ANTXR1: variants seen among roughly 807,000 people sequenced by gnomAD.
ANTXR1 encodes anthrax toxin receptor 1.
A neutral mutation model predicts 78.1 loss-of-function variants in ANTXR1; 19 were observed. The observed-to-expected ratio is 0.24, with a 90% CI of 0.17 to 0.36. The LOEUF (loss-of-function observed/expected upper bound fraction) is 0.36, where lower values mean the gene tolerates loss of function less well. ANTXR1 is among the 10% of genes least tolerant of loss of function. The pLI, the probability that ANTXR1 is intolerant of heterozygous loss-of-function variation, is 1.00. For missense variants in ANTXR1, 518 were observed against 718.6 expected (o/e 0.72, Z 3.19); for synonymous variants, 273 against 260.5 (o/e 1.05, Z -0.46).
chr2:69,170,405 G>A, intron 14 of ANTXR1, 116 bp downstream of exon 14: 1 of 1,216,408 alleles, frequency 8.2e-7, no homozygotes, highest in Non-Finnish European at 1.2e-6. Context: ...CAAGCTCAAA[G>A]GATTTAATGT....
intron 17 of ANTXR1, among the ~76,000 whole-genome samples, chr2:69,211,709 T>C (rs1675048610): frequency 1.3e-5 from 2 of 152,384 alleles, no homozygotes; most frequent in African/African-American, 2.4e-5. Flanking sequence ...TCTGTTTTCA[T>C]AGAGCATCAC....
At chr2:69,128,227 G>GGA (rs1553367503) in intron 12 of ANTXR1, among the ~76,000 whole-genome samples, 11,907 of 139,154 alleles carry the variant, frequency 0.086, 455 homozygotes, top group Middle Eastern at 0.099. Flanking sequence ...TCCATCTCTG[G>GGA]AAAAAAAAAA....
intron 17 of ANTXR1, among the ~76,000 whole-genome samples, chr2:69,218,661 G>T (rs1675239127): frequency 6.6e-6 from 1 of 152,166 alleles, no homozygotes; most frequent in African/African-American, 2.4e-5. Flanking sequence ...TCTAGGAGGG[G>T]TAGTACTTCC....
intron 17 of ANTXR1, among the ~76,000 whole-genome samples, chr2:69,221,069 A>G (rs1315550043): frequency 6.6e-6 from 1 of 152,238 alleles, no homozygotes; most frequent in Non-Finnish European, 1.5e-5. Context: ...AAGTGGAAAC[A>G]TATGGGAAGG....
At chr2:69,030,318 A>AG (rs1447644640) in intron 1 of ANTXR1, among the ~76,000 whole-genome samples, 4 of 152,244 alleles carry the variant, frequency 2.6e-5, no homozygotes, top group Non-Finnish European at 5.9e-5. Flanking sequence ...GCATACAGAC[A>AG]GCAGGAAAAA....
intron 16 of ANTXR1, among the ~76,000 whole-genome samples, chr2:69,188,586 T>C (rs1674478775): frequency 6.6e-6 from 1 of 152,246 alleles, no homozygotes; most frequent in Non-Finnish European, 1.5e-5. Context: ...ATAGTCAAAA[T>C]TTGTCAACTT....
chr2:69,215,259 A>G (rs1386682320), intron 17 of ANTXR1, among the ~76,000 whole-genome samples: 1 of 152,226 alleles, frequency 6.6e-6, no homozygotes, highest in East Asian at 1.9e-4. Context: ...GGGTCTCTGG[A>G]GACTCACAGC....
chr2:69,034,118 G>C (rs113599325), intron 1 of ANTXR1, among the ~76,000 whole-genome samples: 2,139 of 152,340 alleles, frequency 0.014, 53 homozygotes, highest in African/African-American at 0.049. Context: ...CACACAGTGA[G>C]TGCAATGTCA....
chr2:69,240,119 C>A (rs2104531036), intron 17 of ANTXR1, among the ~76,000 whole-genome samples: 1 of 152,296 alleles, frequency 6.6e-6, no homozygotes, highest in Non-Finnish European at 1.5e-5. Flanking sequence ...GTTCCTGGAT[C>A]CTTGACCTTT....
chr2:69,090,731 G>T, intron 8 of ANTXR1, 128 bp from the exon 9 acceptor site: 1 of 824,020 alleles, frequency 1.2e-6, no homozygotes, highest in Admixed American at 1.9e-5. Context: ...TAGACTCCTC[G>T]CACCCCCACC....
intron 17 of ANTXR1, among the ~76,000 whole-genome samples, chr2:69,194,668 T>A (rs1465952483): frequency 5.3e-5 from 8 of 151,610 alleles, no homozygotes; most frequent in African/African-American, 1.9e-4. Context: ...GCCTGGCCAA[T>A]ATGGTTAAAC....
intron 17 of ANTXR1, among the ~76,000 whole-genome samples, chr2:69,222,282 T>C (rs1367989114): frequency 6.6e-6 from 1 of 152,192 alleles, no homozygotes; most frequent in Non-Finnish European, 1.5e-5. Context: ...CTTCACCCAG[T>C]GACAGTGTGA....
intron 17 of ANTXR1, among the ~76,000 whole-genome samples, chr2:69,196,883 C>T (rs1018521895): frequency 6.6e-6 from 1 of 152,220 alleles, no homozygotes; most frequent in African/African-American, 2.4e-5. Flanking sequence ...AGCTACTCCA[C>T]CCCAGCCCTC....
intron 3 of ANTXR1, among the ~76,000 whole-genome samples, chr2:69,054,281 C>G (rs767663539): frequency 6.6e-6 from 1 of 152,090 alleles, no homozygotes; most frequent in Admixed American, 6.6e-5. Flanking sequence ...TTCTTAATTA[C>G]TATACTGTAG....
At chr2:69,084,848 CTT>C (rs10708894) in intron 8 of ANTXR1, among the ~76,000 whole-genome samples, 315 of 94,008 alleles carry the variant, frequency 3.4e-3, no homozygotes, top group African/African-American at 7.2e-3. Flanking sequence ...GAAAAGGCAA[CTT>C]TTTTTTTTTT....
At chr2:69,019,465 G>GAT (rs757186066) in intron 1 of ANTXR1, among the ~76,000 whole-genome samples, 4 of 151,808 alleles carry the variant, frequency 2.6e-5, no homozygotes, top group Non-Finnish European at 5.9e-5. Flanking sequence ...GGGTTTTCTG[G>GAT]ATATATAATT....
rs1673195558 is a variant in ANTXR1 at position 69,145,427 on chromosome 2, G to A, written c.952-6742G>A. ...GACAGCACACTCCTGAAAACGGGGA[G>A]AGAGGAGCCAAACATGCTCGGTTTA... is the stretch of plus-strand genomic sequence containing the variant. On this transcript the variant is annotated intron_variant, in intron 12 of 17. Coordinates refer to ENST00000303714, the MANE Select transcript of ANTXR1 (RefSeq NM_032208.3). The A allele has an allele frequency of 3.2e-6, 5 of 1,564,326 alleles. No homozygotes were observed. In the Middle Eastern group the frequency reaches 5.0e-4, roughly 157 times the overall value.
At chr2:69,152,138 G>A (rs748868318) in intron 12 of ANTXR1, 31 bp from the exon 13 acceptor site, 40 of 1,605,994 alleles carry the variant, frequency 2.5e-5, no homozygotes, top group African/African-American at 4.0e-5. Context: ...GTCCCATCCC[G>A]CTGCTGACCG....
chr2:69,095,325 A>C (rs900219059), intron 9 of ANTXR1, among the ~76,000 whole-genome samples: 5 of 152,106 alleles, frequency 3.3e-5, no homozygotes, highest in African/African-American at 7.2e-5. Flanking sequence ...AATGCATAAG[A>C]CTTAGTCCCA....
Sources: allele counts gnomAD v4.1 joint callset (sites outside exome capture counted in the v4.1 genomes callset), GRCh38; gene constraint gnomAD v4.1.1; transcripts MANE v1.5; gene names NCBI Gene and HGNC (gene_info 2026-07-23, HGNC 2026-07-21).